ACTN4: variants seen among roughly 807,000 people sequenced by gnomAD.
ACTN4 encodes actinin alpha 4, also known as alpha-actinin-4.
ACTN4 carries 18 observed loss-of-function variants against 114.2 expected under a neutral mutation model. The observed-to-expected ratio is 0.16, with a 90% CI of 0.11 to 0.23. The LOEUF (loss-of-function observed/expected upper bound fraction) is 0.23. Among genes scored for constraint, ACTN4 ranks in the 10% least tolerant of loss-of-function variants. ACTN4 has a pLI of 1.00. For missense variants in ACTN4, 722 were observed against 1,262.9 expected, an observed-to-expected ratio of 0.57 and a Z score of 6.49; for synonymous variants, 515 against 506.3, an observed-to-expected ratio of 1.02 and a Z score of -0.23.
rs74389432 is a variant in ACTN4, at chr19:38,676,202, T to C, written c.163-24398T>C. ...AGCCAAAGAACTAATGCCATAGAGATGTCTTATGGTGTCTGCATTTGAAGC... is the reference window on the plus strand; with the variant it reads ...AGCCAAAGAACTAATGCCATAGAGACGTCTTATGGTGTCTGCATTTGAAGC... On this transcript the variant is annotated intron_variant, in intron 1 of 20. Coordinates refer to ENST00000252699, the MANE Select transcript of ACTN4 (RefSeq NM_004924.6). Among the ~76,000 whole-genome samples the C allele has an allele frequency of 8.5e-4, 130 of 152,310 alleles. 1 individual carries two copies. The highest frequency in any genetic ancestry group is 3.0e-3 in the African/African-American group (125 of 41,560).
rs1301665372 is a variant in ACTN4 at position 38,730,511 on chromosome 19, A to G, written c.*1079A>G. On this transcript the variant is annotated 3_prime_UTR_variant, in exon 21 of 21. Coordinates refer to ENST00000252699, the MANE Select transcript of ACTN4 (RefSeq NM_004924.6). ...CCCTCTGGGGACAGGATAATAAAAC[A>G]TGTAATATTTTTAAGAAGGATTCCT... The G allele has an allele frequency of 2.7e-6, 1 of 364,250 alleles. No individual in the cohort carries two copies. 22.6% of individuals were successfully genotyped at this position (364,250 alleles called of 1,614,324 possible).
At chr19:38,660,724 G>A (rs1466714601) in intron 1 of ACTN4, among the ~76,000 whole-genome samples, 1 of 152,202 alleles carries the variant, frequency 6.6e-6, no homozygotes, top group African/African-American at 2.4e-5. Flanking sequence ...ATCTTGTGAA[G>A]CAGGTGTTGT....
intron 11 of ACTN4, chr19:38,718,371 T>A (rs1968918775): frequency 6.4e-6 from 3 of 469,754 alleles, no homozygotes; most frequent in Non-Finnish European, 4.0e-6. Flanking sequence ...TACAAAAAAA[T>A]TTTAGAATAA....
intron 1 of ACTN4, among the ~76,000 whole-genome samples, chr19:38,698,162 G>C (rs982765064): frequency 6.6e-6 from 1 of 152,118 alleles, no homozygotes; most frequent in African/African-American, 2.4e-5. Context: ...GGGAGGAGAT[G>C]CTGGGAGGCA....
At chr19:38,722,027 C>T in intron 12 of ACTN4, 1 of 431,830 alleles carries the variant, frequency 2.3e-6, no homozygotes, top group East Asian at 4.9e-5. Context: ...ATGGGATGGG[C>T]CCCAGCCTCC....
rs1425528293 is a variant in ACTN4 at position 38,721,922 on chromosome 19, G to A, written c.1442+234G>A. The A allele has an allele frequency of 9.4e-6, 6 of 638,368 alleles. No homozygotes were observed. The East Asian group carries it at 1.7e-4, about 19-fold the overall frequency. 39.5% of individuals were successfully genotyped at this position (638,368 alleles called of 1,614,324 possible). The stretch of plus-strand genomic sequence containing the variant: ...AAGGATTTGGATTCTCTAGCAGGAG[G>A]GAGGTGTCTGGCCCCTTGTCTTGAT... On this transcript the variant is annotated intron_variant, in intron 12 of 20. Coordinates refer to ENST00000252699, the MANE Select transcript of ACTN4 (RefSeq NM_004924.6).
At chr19:38,701,153 C>T (rs1225875378) in intron 3 of ACTN4, 32 bp downstream of exon 3, 2 of 1,613,164 alleles carry the variant, frequency 1.2e-6, no homozygotes, top group Non-Finnish European at 1.7e-6. Flanking sequence ...GAGGGTCCTG[C>T]TCGGTTTCTG....
At chr19:38,714,630 CA>C in intron 9 of ACTN4, 69 bp downstream of exon 9, 1 of 1,509,426 alleles carries the variant, frequency 6.6e-7, no homozygotes, top group African/African-American at 1.4e-5. Context: ...GTGACTCTTG[CA>C]GGGGGAAAGC....
chr19:38,696,887 A>C (rs529316549), intron 1 of ACTN4, among the ~76,000 whole-genome samples: 2 of 152,322 alleles, frequency 1.3e-5, no homozygotes, highest in African/African-American at 4.8e-5. Context: ...TCAGTCAGGA[A>C]GACAGAGTAC....
chr19:38,697,454 T>A (rs147678322), intron 1 of ACTN4, among the ~76,000 whole-genome samples: 3 of 152,376 alleles, frequency 2.0e-5, no homozygotes, highest in East Asian at 3.9e-4. Context: ...CCTAGTTTAA[T>A]TCTTAGAGCA....
chr19:38,672,355 C>T (rs913726459), intron 1 of ACTN4, among the ~76,000 whole-genome samples: 93 of 151,752 alleles, frequency 6.1e-4, no homozygotes, highest in African/African-American at 2.2e-3. Flanking sequence ...ATTCTCCTGC[C>T]TCAGCCTCCT....
intron 1 of ACTN4, among the ~76,000 whole-genome samples, chr19:38,681,999 T>C (rs1967592099): frequency 6.6e-6 from 1 of 152,000 alleles, no homozygotes; most frequent in Non-Finnish European, 1.5e-5. Context: ...CCTGGCTAAT[T>C]TTTGTATTTT....
chr19:38,709,306 G>T (rs908187005), intron 6 of ACTN4, 89 bp from the exon 7 acceptor site: 8 of 987,524 alleles, frequency 8.1e-6, no homozygotes, highest in Middle Eastern at 2.0e-4. Context: ...GCCCTCCCGG[G>T]TCTCTCCCTC....
chr19:38,666,444 T>C (rs764185558), intron 1 of ACTN4, among the ~76,000 whole-genome samples: 1 of 152,082 alleles, frequency 6.6e-6, no homozygotes, highest in Non-Finnish European at 1.5e-5. Flanking sequence ...GGCCACCCGG[T>C]TTGCGCTTTC....
chr19:38,675,942 G>T (rs1176337847), intron 1 of ACTN4, among the ~76,000 whole-genome samples: 1 of 152,228 alleles, frequency 6.6e-6, no homozygotes, highest in Non-Finnish European at 1.5e-5. Context: ...AAGCTGTGAA[G>T]CCATGGACTC....
intron 1 of ACTN4, among the ~76,000 whole-genome samples, chr19:38,697,169 C>T (rs921954737): frequency 2.6e-5 from 4 of 152,136 alleles, no homozygotes; most frequent in African/African-American, 4.8e-5. Context: ...GTATGGAGGG[C>T]GGGTAGGGCA....
intron 1 of ACTN4, among the ~76,000 whole-genome samples, chr19:38,688,314 C>T (rs919099614): frequency 2.1e-5 from 3 of 140,886 alleles, no homozygotes; most frequent in African/African-American, 7.9e-5. Context: ...TTTGGGAGGC[C>T]GAGGCGAGTG....
intron 1 of ACTN4, among the ~76,000 whole-genome samples, chr19:38,690,124 C>CA (rs1967874766): frequency 6.6e-6 from 1 of 152,232 alleles, no homozygotes; most frequent in South Asian, 2.1e-4. Context: ...ATATAAACCC[C>CA]AGGCATTTGA....
intron 7 of ACTN4, 83 bp from the exon 8 acceptor site, chr19:38,710,174 C>T (rs1454611995): frequency 3.4e-6 from 5 of 1,479,098 alleles, no homozygotes; most frequent in Non-Finnish European, 4.7e-6. Context: ...AGGCCGTGGC[C>T]TTGGGAGCCC....
Sources: allele counts gnomAD v4.1 joint callset (sites outside exome capture counted in the v4.1 genomes callset), GRCh38; gene constraint gnomAD v4.1.1; transcripts MANE v1.5; gene names NCBI Gene and HGNC (gene_info 2026-07-23, HGNC 2026-07-21).